Variants in DHRS7B observed in about 807,000 individuals in gnomAD.
The protein encoded by DHRS7B is dehydrogenase/reductase 7B, also known as peroxisomal reductase activating PPAR-gamma.
DHRS7B carries 24 observed loss-of-function variants against 26.4 expected under a neutral mutation model. The observed-to-expected ratio is 0.91, with a 90% CI of 0.66 to 1.28. The LOEUF (loss-of-function observed/expected upper bound fraction) is 1.28. Among genes scored for constraint, DHRS7B ranks in the 50% most tolerant of loss-of-function variants. The pLI, the probability that DHRS7B is intolerant of heterozygous loss-of-function variation, is 0.00. For missense variants in DHRS7B, 368 were observed against 419.4 expected, an observed-to-expected ratio of 0.88 and a Z score of 1.07; for synonymous variants, 142 against 166.4, an observed-to-expected ratio of 0.85 and a Z score of 1.13.
chr17:21,183,620 G>T lies in DHRS7B; in HGVS notation c.336G>T (p.Val112=), dbSNP rs367713441. The change falls in exon 4 of 7, where the codon GTG becomes GTT. Residue 112 remains valine (V), a synonymous_variant. Transcript: ENST00000395511. ...TGCAGACACACAAGCCTTACTTGGT[G>T]ACCTTCGACCTCACAGACTCTGGGG... The part of the protein sequence containing the change: ...TKVQTHKPYL[V]TFDLTDSGAI... 5.6e-6 allele frequency: 9 copies of T among 1,613,326 alleles called. No individual in the cohort carries two copies. The East Asian group carries it at 2.0e-4, about 36-fold the overall frequency.
intron 1 of DHRS7B, among the ~76,000 whole-genome samples, chr17:21,140,527 CA>C (rs1973479079): frequency 1.4e-4 from 21 of 150,658 alleles, no homozygotes; most frequent in Admixed American, 3.3e-4. Context: ...CACACACACA[CA>C]CACACACACA....
intron 1 of DHRS7B, chr17:21,127,267 C>A: frequency 2.2e-6 from 1 of 445,934 alleles, no homozygotes; most frequent in South Asian, 4.0e-5. Flanking sequence ...GAATGGGTGT[C>A]GCGCCGGGCG....
chr17:21,146,291 C>A (rs533694840), intron 1 of DHRS7B, among the ~76,000 whole-genome samples: 9 of 152,276 alleles, frequency 5.9e-5, no homozygotes, highest in South Asian at 4.1e-4. Context: ...GTCCCAGCTA[C>A]TTGGGAGGTT....
chr17:21,162,770 G>A (rs1362722741), intron 1 of DHRS7B, among the ~76,000 whole-genome samples: 1 of 152,198 alleles, frequency 6.6e-6, no homozygotes, highest in Non-Finnish European at 1.5e-5. Context: ...AGGCAAGAAC[G>A]AACTTCTAGA....
At chr17:21,141,721 G>A (rs1186579162) in intron 1 of DHRS7B, among the ~76,000 whole-genome samples, 2 of 149,046 alleles carry the variant, frequency 1.3e-5, no homozygotes, top group Admixed American at 1.3e-4. Flanking sequence ...GCCTTGTGCT[G>A]GAAGCAGGTA....
intron 1 of DHRS7B, among the ~76,000 whole-genome samples, chr17:21,147,992 G>A (rs1334298848): frequency 6.6e-6 from 1 of 152,174 alleles, no homozygotes; most frequent in Non-Finnish European, 1.5e-5. Context: ...AAGACAGGAG[G>A]ACTGCATGAG....
chr17:21,142,177 G>A (rs1039427075), intron 1 of DHRS7B, among the ~76,000 whole-genome samples: 1 of 152,132 alleles, frequency 6.6e-6, no homozygotes, highest in African/African-American at 2.4e-5. Flanking sequence ...ACTCTAAGGG[G>A]GTCCACGTGA....
chr17:21,168,904 T>C, intron 1 of DHRS7B: 3 of 985,464 alleles, frequency 3.0e-6, no homozygotes, highest in Non-Finnish European at 3.6e-6. Flanking sequence ...TGTGTAGTTT[T>C]CGCTCTTTTC....
At chr17:21,185,072 TCA>T (rs1002794767) in intron 5 of DHRS7B, among the ~76,000 whole-genome samples, 444 of 152,310 alleles carry the variant, frequency 2.9e-3, no homozygotes, top group African/African-American at 1.0e-2. Context: ...TTTTTCCCCC[TCA>T]GTCTTTGACC....
At chr17:21,190,158 CCT>C (rs1974743165) in intron 6 of DHRS7B, among the ~76,000 whole-genome samples, 2 of 151,972 alleles carry the variant, frequency 1.3e-5, no homozygotes, top group African/African-American at 4.8e-5. Context: ...AGAGCGAAAC[CCT>C]GTCTTTAAAA....
At chr17:21,130,506 T>G (rs1451359020) in intron 1 of DHRS7B, among the ~76,000 whole-genome samples, 1 of 152,202 alleles carries the variant, frequency 6.6e-6, no homozygotes, top group Non-Finnish European at 1.5e-5. Context: ...TTTACTGGGT[T>G]TAAACAAGCT....
At chr17:21,137,687 C>A (rs1327453196) in intron 1 of DHRS7B, among the ~76,000 whole-genome samples, 2 of 152,020 alleles carry the variant, frequency 1.3e-5, no homozygotes, top group Non-Finnish European at 2.9e-5. Flanking sequence ...GAACTCCCAA[C>A]CTCAGGTGAT....
At chr17:21,160,745 C>T (rs1271941897) in intron 1 of DHRS7B, among the ~76,000 whole-genome samples, 2 of 152,246 alleles carry the variant, frequency 1.3e-5, no homozygotes, top group African/African-American at 4.8e-5. Flanking sequence ...AACTGAAAAC[C>T]TATATCTACT....
intron 1 of DHRS7B, among the ~76,000 whole-genome samples, chr17:21,142,683 C>T (rs1313782542): frequency 6.7e-6 from 1 of 149,946 alleles, no homozygotes; most frequent in Non-Finnish European, 1.5e-5. Context: ...CACCCCCTCA[C>T]CCCCCTCCCC....
In DHRS7B at chr17:21,171,946, G is replaced by C. The variant is rs760045262; in HGVS notation, c.21-72G>C. The C allele has an allele frequency of 1.0e-5, 16 of 1,575,504 alleles. No individual in the cohort carries two copies. In the South Asian group the frequency reaches 1.7e-4, roughly 16 times the overall value. ...GAGATCTGGGATTCATATCAGATGA[G>C]AGGAAGAGCCTAGGAAAGTCCCCTG... On this transcript the variant is annotated intron_variant, in intron 1 of 6. Transcript: ENST00000395511.
chr17:21,127,932 A>G (rs1034463505), intron 1 of DHRS7B: 3 of 152,214 alleles, frequency 2.0e-5, no homozygotes, highest in African/African-American at 7.2e-5. Context: ...CTTCCCTACC[A>G]TGTACATGTC....
At chr17:21,188,989 C>A in intron 6 of DHRS7B, 126 bp downstream of exon 6, 1 of 1,302,942 alleles carries the variant, frequency 7.7e-7, no homozygotes, top group Non-Finnish European at 1.1e-6. Context: ...GTGAAAAAAA[C>A]TTGACAGAGG....
chr17:21,141,980 G>C (rs1314402429), intron 1 of DHRS7B, among the ~76,000 whole-genome samples: 1 of 152,146 alleles, frequency 6.6e-6, no homozygotes, highest in Non-Finnish European at 1.5e-5. Context: ...TCTGAGACAG[G>C]TCTCAGTTAA....
intron 1 of DHRS7B, among the ~76,000 whole-genome samples, chr17:21,130,443 T>G (rs1973204923): frequency 6.6e-6 from 1 of 152,148 alleles, no homozygotes; most frequent in Admixed American, 6.6e-5. Context: ...TACGTACGTT[T>G]GTAAAGGGGG....
Sources: gnomAD v4.1 joint callset for allele counts (sites outside exome capture counted in the v4.1 genomes callset) on GRCh38, gnomAD v4.1.1 for gene constraint, MANE v1.5 for transcripts, NCBI Gene and HGNC (gene_info 2026-07-23, HGNC 2026-07-21) for gene names.